The following SMYD3 variants were observed in gnomAD, a reference collection of about 807,000 sequenced individuals.
SMYD3 encodes histone-lysine N-methyltransferase SMYD3.
A neutral mutation model predicts 57.7 loss-of-function variants in SMYD3; 36 were observed. The observed-to-expected ratio is 0.62, with a 90% CI of 0.48 to 0.82. The LOEUF is 0.82. SMYD3 is among the 40% of genes least tolerant of loss of function. The pLI is 0.00. For synonymous variants in SMYD3, 211 were observed against 195.0 expected (o/e 1.08, Z -0.68); for missense variants, 515 against 538.8 (o/e 0.96, Z 0.44).
chr1:246,110,507 G>A (rs2061214865), intron 5 of SMYD3, among the ~76,000 whole-genome samples: 1 of 152,194 alleles, frequency 6.6e-6, no homozygotes, highest in Non-Finnish European at 1.5e-5. Context: ...CCCAAGCACA[G>A]ATCTCTGCTG....
At chr1:246,032,756 C>T (rs975487392) in intron 5 of SMYD3, among the ~76,000 whole-genome samples, 3 of 152,080 alleles carry the variant, frequency 2.0e-5, no homozygotes, top group Non-Finnish European at 2.9e-5. Flanking sequence ...AAAACAGAAC[C>T]GTTAGTTTCC....
chr1:246,232,117 A>G (rs1198887676), intron 5 of SMYD3, among the ~76,000 whole-genome samples: 1 of 149,436 alleles, frequency 6.7e-6, no homozygotes, highest in Non-Finnish European at 1.5e-5. Context: ...TTCGGGAATA[A>G]TTAGAATATT....
chr1:245,868,253 G>A (rs1421327471), intron 8 of SMYD3, among the ~76,000 whole-genome samples: 1 of 152,150 alleles, frequency 6.6e-6, no homozygotes, highest in Non-Finnish European at 1.5e-5. Flanking sequence ...CCTAATTGCC[G>A]AGGTAGGATT....
chr1:245,928,572 G>A (rs1163991606), intron 6 of SMYD3, among the ~76,000 whole-genome samples: 2 of 152,178 alleles, frequency 1.3e-5, no homozygotes, highest in Admixed American at 6.5e-5. Flanking sequence ...TACTCAGGAG[G>A]TGGAGGCAGG....
chr1:245,830,980 G>T (rs536892031), intron 10 of SMYD3, among the ~76,000 whole-genome samples: 1 of 152,084 alleles, frequency 6.6e-6, no homozygotes, highest in Non-Finnish European at 1.5e-5. Context: ...CAGATCACAA[G>T]TGTTGGCCTG....
intron 10 of SMYD3, among the ~76,000 whole-genome samples, chr1:245,791,602 G>A (rs2047272726): frequency 7.1e-6 from 1 of 140,094 alleles, no homozygotes; most frequent in Non-Finnish European, 1.5e-5. Context: ...TGGGGGGAGA[G>A]GACGGGAGAA....
intron 5 of SMYD3, among the ~76,000 whole-genome samples, chr1:246,262,967 C>T (rs1276262464): frequency 2.0e-5 from 3 of 152,260 alleles, no homozygotes; most frequent in South Asian, 2.1e-4. Flanking sequence ...GCATGATGCA[C>T]ATTCTCTCAA....
At chr1:246,049,042 C>T (rs1269333379) in intron 5 of SMYD3, among the ~76,000 whole-genome samples, 1 of 152,044 alleles carries the variant, frequency 6.6e-6, no homozygotes, top group Admixed American at 6.6e-5. Context: ...CCATAGCAGG[C>T]ATGCAGCATT....
At chr1:246,482,265 T>A (rs1322368498) in intron 1 of SMYD3, among the ~76,000 whole-genome samples, 1 of 152,130 alleles carries the variant, frequency 6.6e-6, no homozygotes, top group East Asian at 1.9e-4. Flanking sequence ...ACACTAATGG[T>A]TATCACCTAA....
intron 1 of SMYD3, among the ~76,000 whole-genome samples, chr1:246,401,785 C>T (rs6664809): frequency 0.11 from 17,334 of 151,040 alleles, 2,001 homozygotes; most frequent in East Asian, 0.32. Context: ...TGCAATGGCA[C>T]GATCTTGGCT....
At chr1:246,088,796 A>C (rs1005340567) in intron 5 of SMYD3, among the ~76,000 whole-genome samples, 12 of 151,900 alleles carry the variant, frequency 7.9e-5, no homozygotes, top group Admixed American at 6.6e-5. Context: ...ATCCCCTTCT[A>C]ATAATTTCAG....
chr1:246,444,271 A>C (rs557353884), intron 1 of SMYD3, among the ~76,000 whole-genome samples: 1 of 147,564 alleles, frequency 6.8e-6, no homozygotes, highest in Admixed American at 6.7e-5. Context: ...GATTACAGGC[A>C]TGTGCCACCA....
At chr1:245,888,681 A>T (rs1435951932) in intron 8 of SMYD3, among the ~76,000 whole-genome samples, 1 of 152,250 alleles carries the variant, frequency 6.6e-6, no homozygotes, top group African/African-American at 2.4e-5. Context: ...CTTGTGTGAT[A>T]TTCGATGGAT....
At chr1:246,306,931 A>G (rs980177185) in intron 5 of SMYD3, among the ~76,000 whole-genome samples, 4 of 152,160 alleles carry the variant, frequency 2.6e-5, no homozygotes, top group Non-Finnish European at 4.4e-5. Context: ...ACCTGACATC[A>G]AGTCAGATGG....
intron 5 of SMYD3, among the ~76,000 whole-genome samples, chr1:245,973,451 A>T (rs1027211297): frequency 2.2e-4 from 33 of 152,230 alleles, no homozygotes; most frequent in African/African-American, 7.2e-5. Context: ...TGCTAAATGG[A>T]GGTACAGATA....
chr1:246,460,019 A>C (rs2067772836), intron 1 of SMYD3, among the ~76,000 whole-genome samples: 1 of 151,634 alleles, frequency 6.6e-6, no homozygotes, highest in Admixed American at 6.6e-5. Flanking sequence ...TTCTAGTTTC[A>C]TTCCCTTCCC....
intron 5 of SMYD3, chr1:246,186,849 C>T (rs902352757): frequency 7.1e-6 from 7 of 985,482 alleles, no homozygotes; most frequent in Non-Finnish European, 8.4e-6. Context: ...ACACTCTCCC[C>T]ACATCACAGG....
At chr1:245,973,089 C>T (rs963386608) in intron 5 of SMYD3, among the ~76,000 whole-genome samples, 9 of 152,144 alleles carry the variant, frequency 5.9e-5, no homozygotes, top group African/African-American at 1.7e-4. Context: ...GAAGGTTCCA[C>T]GGCCACAGAC....
chr1:245,986,635 G>A (rs2058710201), intron 5 of SMYD3, among the ~76,000 whole-genome samples: 1 of 152,084 alleles, frequency 6.6e-6, no homozygotes, highest in African/African-American at 2.4e-5. Context: ...CGGTTTTACT[G>A]CCCTGAAAAG....
Sources: gnomAD v4.1 joint callset for allele counts (sites outside exome capture counted in the v4.1 genomes callset) on GRCh38, gnomAD v4.1.1 for gene constraint, MANE v1.5 for transcripts, NCBI Gene and HGNC (gene_info 2026-07-23, HGNC 2026-07-21) for gene names.